Variants in CENPN observed in about 807,000 individuals in gnomAD.
The protein encoded by CENPN is centromere protein N.
A neutral mutation model predicts 48.6 loss-of-function variants in CENPN; 36 were observed. That is an observed-to-expected ratio of 0.74 (90% confidence interval 0.57 to 0.98). CENPN has a LOEUF of 0.98. Ranked by LOEUF, CENPN falls within the 50% of genes least tolerant of loss-of-function variation. CENPN has a pLI of 0.00. For synonymous variants in CENPN, 166 were observed against 135.2 expected (o/e 1.23, Z -1.58); for missense variants, 439 against 399.2 (o/e 1.10, Z -0.85).
chr16:81,008,070 G>A (rs1312336963), intron 1 of CENPN, among the ~76,000 whole-genome samples: 1 of 152,060 alleles, frequency 6.6e-6, no homozygotes, highest in Admixed American at 6.5e-5. Context: ...TCGCGCCACT[G>A]CACTGCACCC....
Position 81,028,770 on chromosome 16 carries a change from G to T in CENPN, c.*119G>T, listed in dbSNP as rs1567557421. ...TGTATTTTCAAGAATCCTTGGTATT[G>T]AATTTTTAGAAATGCTCACATAATT... On this transcript the variant is annotated 3_prime_UTR_variant, in exon 11 of 11. Coordinates refer to ENST00000305850, the MANE Select transcript of CENPN (RefSeq NM_001100624.3). 2 of 1,450,104 alleles carry T rather than the reference G, an allele frequency of 1.4e-6. No homozygotes were observed. Among genetic ancestry groups the T allele is most frequent in the East Asian group, 2.5e-5 (1 of 39,296 alleles). The allele number at this position is 1,450,104 out of a possible 1,614,324, so 89.8% of individuals were successfully genotyped here.
chr16:81,018,734 C>T (rs147577584), intron 5 of CENPN, among the ~76,000 whole-genome samples: 1 of 152,330 alleles, frequency 6.6e-6, no homozygotes, highest in South Asian at 2.1e-4. Flanking sequence ...CCGCCATACC[C>T]TGGACTGGGG....
downstream of CENPN, chr16:81,032,719 C>G: frequency 6.3e-7 from 1 of 1,588,576 alleles, no homozygotes; most frequent in South Asian, 1.1e-5. Flanking sequence ...AACATTTAGA[C>G]ATTTAAATGG....
chr16:81,010,202 GA>G (rs1223818722), intron 1 of CENPN, among the ~76,000 whole-genome samples: 1 of 151,896 alleles, frequency 6.6e-6, no homozygotes, highest in Non-Finnish European at 1.5e-5. Flanking sequence ...TATCTCAAAT[GA>G]AAAAAATAAA....
chr16:81,027,163 GTA>G (rs1453714371), intron 9 of CENPN, among the ~76,000 whole-genome samples: 8 of 152,044 alleles, frequency 5.3e-5, no homozygotes, highest in African/African-American at 1.9e-4. Context: ...CCTTACTTTT[GTA>G]TATGTTTAAA....
At chr16:81,016,623 C>G (rs1425917477) in intron 3 of CENPN, among the ~76,000 whole-genome samples, 1 of 152,128 alleles carries the variant, frequency 6.6e-6, no homozygotes, top group Non-Finnish European at 1.5e-5. Context: ...ATTAGCCAGG[C>G]GTTGTGGCAG....
chr16:81,020,062 A>G (rs1387983180), intron 5 of CENPN, 38 bp from the exon 6 acceptor site: 1 of 1,551,122 alleles, frequency 6.4e-7, no homozygotes, highest in Non-Finnish European at 8.6e-7. Context: ...TGAAATTTTA[A>G]TTAGGAAATT....
chr16:81,028,058 C>T, intron 9 of CENPN, 113 bp from the exon 10 acceptor site: 1 of 951,300 alleles, frequency 1.1e-6, no homozygotes, highest in Non-Finnish European at 1.6e-6. Context: ...CTGTTAATTC[C>T]TGTATTTCTT....
chr16:81,032,637 G>A (rs556967474), downstream of CENPN: 40 of 1,613,526 alleles, frequency 2.5e-5, no homozygotes, highest in East Asian at 1.1e-4. Flanking sequence ...CCCAGGACCC[G>A]AGCAGCTGGC....
At chr16:81,012,673 G>A (rs1017267933) in intron 2 of CENPN, among the ~76,000 whole-genome samples, 8 of 152,148 alleles carry the variant, frequency 5.3e-5, no homozygotes, top group Admixed American at 3.3e-4. Flanking sequence ...TCAGCTTACT[G>A]CAACCTCTGC....
At chr16:81,022,313 T>C (rs1970253316) in intron 6 of CENPN, 1 of 352,852 alleles carries the variant, frequency 2.8e-6, no homozygotes, top group South Asian at 3.3e-5. Flanking sequence ...TGAGTATTTA[T>C]TGTTTATTCC....
At chr16:81,017,200 A>C in intron 3 of CENPN, 126 bp from the exon 4 acceptor site, 1 of 666,182 alleles carries the variant, frequency 1.5e-6, no homozygotes, top group Admixed American at 2.7e-5. Flanking sequence ...TTTGAATACA[A>C]ATCTGTATAA....
downstream of CENPN, chr16:81,033,002 G>A (rs1192435486): frequency 1.5e-5 from 3 of 201,600 alleles, no homozygotes; most frequent in Non-Finnish European, 3.0e-5. Flanking sequence ...AATGTGAAAA[G>A]TGATACACAA....
intron 8 of CENPN, 54 bp downstream of exon 8, chr16:81,024,832 G>T: frequency 1.7e-6 from 2 of 1,174,680 alleles, no homozygotes; most frequent in Admixed American, 2.1e-5. Flanking sequence ...TTCCCTTATA[G>T]ATTTCTTTCA....
intron 1 of CENPN, among the ~76,000 whole-genome samples, chr16:81,010,700 G>C (rs897920916): frequency 6.6e-6 from 1 of 152,196 alleles, no homozygotes; most frequent in African/African-American, 2.4e-5. Context: ...GAATTCTTGA[G>C]CTTTCTCCTG....
Position 81,028,997 on chromosome 16 carries a change from T to G in CENPN, c.*346T>G, listed in dbSNP as rs1275226081. The G allele has an allele frequency of 4.0e-6, 4 of 1,001,078 alleles. No individual in the cohort carries two copies. The highest frequency in any genetic ancestry group is 4.8e-6 in the Non-Finnish European group (4 of 840,844). 62.0% of individuals were successfully genotyped at this position (1,001,078 alleles called of 1,614,324 possible). On this transcript the variant is annotated 3_prime_UTR_variant, in exon 11 of 11. Coordinates refer to ENST00000305850, the MANE Select transcript of CENPN (RefSeq NM_001100624.3). ...GTGTCCTTTTTTCTATGGCTGTCTC[T>G]TCTCAATTCTGGAGAGGTCTGGTTC...
chr16:81,019,536 A>G (rs1970083322), intron 5 of CENPN, among the ~76,000 whole-genome samples: 2 of 152,034 alleles, frequency 1.3e-5, no homozygotes, highest in South Asian at 4.1e-4. Context: ...TAGAAATCTT[A>G]CTGTTAAAGT....
chr16:81,031,117 A>T lies in CENPN; in HGVS notation c.*2466A>T. The T allele has an allele frequency of 6.6e-6, 1 of 152,074 alleles. No individual in the cohort carries two copies. Among genetic ancestry groups the T allele is most frequent in the East Asian group, 1.9e-4 (1 of 5,192 alleles). The allele number at this position is 152,074 out of a possible 1,614,324, so 9.4% of individuals were successfully genotyped here. ...TCAGAGCTCTAAAATGGAGGGAGGA[A>T]GCCATTCTAAAAAGGACTCCCTACA... On this transcript the variant is annotated 3_prime_UTR_variant, in exon 11 of 11. Transcript: ENST00000305850.
intron 8 of CENPN, among the ~76,000 whole-genome samples, chr16:81,026,022 A>C (rs967722257): frequency 6.6e-6 from 1 of 151,078 alleles, no homozygotes; most frequent in African/African-American, 2.4e-5. Context: ...TCTCTTAAAA[A>C]AAATACATAT....
Sources: gnomAD v4.1 joint callset for allele counts (sites outside exome capture counted in the v4.1 genomes callset) on GRCh38, gnomAD v4.1.1 for gene constraint, MANE v1.5 for transcripts, NCBI Gene and HGNC (gene_info 2026-07-23, HGNC 2026-07-21) for gene names.